IKZF2: variants seen among roughly 807,000 people sequenced by gnomAD.
IKZF2 encodes the protein zinc finger protein Helios.
IKZF2 carries 15 observed loss-of-function variants against 49.2 expected under a neutral mutation model. That is an observed-to-expected ratio of 0.30 (90% CI 0.20 to 0.47). The LOEUF (loss-of-function observed/expected upper bound fraction) is 0.47, where lower values mean the gene tolerates loss of function less well. Ranked by LOEUF, IKZF2 falls within the 20% of genes least tolerant of loss-of-function variation. IKZF2 has a pLI of 1.00. For synonymous variants in IKZF2, 227 were observed against 221.4 expected (o/e 1.03, Z -0.23); for missense variants, 567 against 664.6 (o/e 0.85, Z 1.61).
At position 213,006,879 on chromosome 2, in the gene IKZF2, C is replaced by T. The variant is rs1227744326; in HGVS notation, c.*481G>A. ...TAACAATGTGTTTGTGTTCCATGATCTCTGAAGAACAAAAAATTGGTTTAC... is the reference window on the plus strand; with the variant it reads ...TAACAATGTGTTTGTGTTCCATGATTTCTGAAGAACAAAAAATTGGTTTAC... On this transcript the variant is annotated 3_prime_UTR_variant, in exon 9 of 9. Transcript: ENST00000434687. 1 of 156,380 alleles carries T rather than the reference C, an allele frequency of 6.4e-6. No individual in the cohort carries two copies. The highest frequency in any genetic ancestry group is 2.4e-5 in the African/African-American group (1 of 41,426). 9.7% of individuals were successfully genotyped at this position (156,380 alleles called of 1,614,324 possible).
At chr2:213,066,248 C>T (rs1412368113) in intron 4 of IKZF2, among the ~76,000 whole-genome samples, 1 of 152,044 alleles carries the variant, frequency 6.6e-6, no homozygotes, top group Non-Finnish European at 1.5e-5. Flanking sequence ...TAAACAAGGT[C>T]AGAAGGCAAG....
chr2:213,076,240 GA>G (rs555339756), intron 4 of IKZF2, among the ~76,000 whole-genome samples: 1 of 147,512 alleles, frequency 6.8e-6, no homozygotes, highest in Admixed American at 6.7e-5. Flanking sequence ...TTTTCCACTA[GA>G]AAAAAAAATA....
At chr2:213,013,756 C>A in intron 8 of IKZF2, 35 bp downstream of exon 8, 1 of 1,583,086 alleles carries the variant, frequency 6.3e-7, no homozygotes. Context: ...ATTAACATCA[C>A]CTTGCAAAGA....
intron 6 of IKZF2, among the ~76,000 whole-genome samples, chr2:213,038,793 A>G (rs13023118): frequency 0.1 from 15,187 of 152,194 alleles, 904 homozygotes; most frequent in South Asian, 0.28. Flanking sequence ...AGCTTATGAA[A>G]TCACTGATCA....
At position 213,056,953 on chromosome 2, in the gene IKZF2, C is replaced by A. The variant is rs1701214637; in HGVS notation, c.286G>T (p.Val96Phe). 3.7e-6 allele frequency: 6 copies of A among 1,613,858 alleles called. No homozygotes were observed. The Middle Eastern group carries it at 4.9e-4, about 133-fold the overall frequency. The change falls in exon 5 of 9, where the codon GTC (valine) becomes TTC (phenylalanine). Residue 96 changes from valine to phenylalanine, a missense_variant. By Grantham distance (50) the Val-to-Phe change is conservative. Transcript: ENST00000434687. ...CCTCCCTCGCCTTGAAGCTCCTGGA[C>A]TTTCCTGTTGTCAGCCACCTCGCTG... is the stretch of plus-strand genomic sequence containing the variant. The part of the protein sequence containing the change: ...ESSEVADNRK[V>F]QELQGEGGIR...
intron 4 of IKZF2, among the ~76,000 whole-genome samples, chr2:213,082,671 G>A (rs1394067167): frequency 2.6e-5 from 4 of 152,206 alleles, no homozygotes; most frequent in East Asian, 3.9e-4. Flanking sequence ...TTAGATCATC[G>A]GAACTTGCCT....
chr2:213,145,114 A>G lies in IKZF2; in HGVS notation c.139+2594T>C, dbSNP rs138657451. Among the ~76,000 whole-genome samples the G allele has an allele frequency of 1.0e-2, 1,513 of 151,746 alleles. 23 individuals carry two copies. The highest frequency in any genetic ancestry group is 0.035 in the African/African-American group (1,444 of 41,440). On this transcript the variant is annotated intron_variant, in intron 4 of 8. Coordinates refer to ENST00000434687, the MANE Select transcript of IKZF2 (RefSeq NM_001387220.1). The stretch of plus-strand genomic sequence containing the variant: ...TACTGACCACCTTCCTAAAGCCAAA[A>G]TAAGTGAGCTCTCATGCCTTATTGA...
intron 4 of IKZF2, among the ~76,000 whole-genome samples, chr2:213,142,579 C>T (rs2060913293): frequency 6.6e-6 from 1 of 151,908 alleles, no homozygotes; most frequent in African/African-American, 2.4e-5. Context: ...CACAACAGCC[C>T]ATTGAGGTAG....
chr2:213,063,424 G>A (rs534056878), intron 4 of IKZF2, among the ~76,000 whole-genome samples: 1 of 151,894 alleles, frequency 6.6e-6, no homozygotes, highest in South Asian at 2.1e-4. Context: ...TGGGACCTTG[G>A]GAAATTTGTT....
intron 1 of IKZF2, among the ~76,000 whole-genome samples, chr2:213,150,849 C>T (rs1213658922): frequency 6.6e-6 from 1 of 151,234 alleles, no homozygotes. Context: ...CATACTAGAA[C>T]CTGTCAAAGT....
intron 7 of IKZF2, among the ~76,000 whole-genome samples, chr2:213,018,623 C>A (rs371419850): frequency 6.6e-6 from 1 of 152,070 alleles, no homozygotes. Context: ...ACCCTAGTGG[C>A]CCCCCATCAG....
intron 7 of IKZF2, among the ~76,000 whole-genome samples, chr2:213,017,439 CCTAATTACCATATCACTGAATGACACTA>C (rs1696734725): frequency 6.6e-6 from 1 of 152,104 alleles, no homozygotes; most frequent in African/African-American, 2.4e-5. Context: ...CTTCTATTTT[CCTAATTACCATATCACTGAATGACACTA>C]CTAATTACCA....
Position 213,040,447 on chromosome 2 carries a change from T to C in IKZF2, c.574+9266A>G, listed in dbSNP as rs1292928088. ...TAAAAAGAAATGTTTAACACACATATATGTTTCTCATATATTAAAATTATA... is the reference window on the plus strand; with the variant it reads ...TAAAAAGAAATGTTTAACACACATACATGTTTCTCATATATTAAAATTATA... On this transcript the variant is annotated intron_variant, in intron 6 of 8. Coordinates refer to ENST00000434687, the MANE Select transcript of IKZF2 (RefSeq NM_001387220.1). Among the ~76,000 whole-genome samples, 6 of 152,106 alleles carry C rather than the reference T, an allele frequency of 3.9e-5. No individual in the cohort carries two copies. In the South Asian group the frequency reaches 1.0e-3, roughly 26 times the overall value.
intron 4 of IKZF2, among the ~76,000 whole-genome samples, chr2:213,064,097 T>C (rs1462211512): frequency 6.6e-6 from 1 of 152,008 alleles, no homozygotes; most frequent in Admixed American, 6.6e-5. Context: ...CTGAAGAATC[T>C]GTCAATATTC....
intron 6 of IKZF2, among the ~76,000 whole-genome samples, chr2:213,035,947 T>C (rs892088719): frequency 2.0e-5 from 3 of 152,214 alleles, no homozygotes; most frequent in African/African-American, 7.2e-5. Context: ...ATATCTCAGC[T>C]TTCATGAGTA....
chr2:213,065,579 C>T (rs1702088720), intron 4 of IKZF2, among the ~76,000 whole-genome samples: 1 of 151,860 alleles, frequency 6.6e-6, no homozygotes. Flanking sequence ...ATTAAAGAAC[C>T]ATTAATGACA....
intron 4 of IKZF2, among the ~76,000 whole-genome samples, chr2:213,067,640 A>G (rs898535372): frequency 6.6e-6 from 1 of 152,156 alleles, no homozygotes; most frequent in African/African-American, 2.4e-5. Context: ...AGAACTCTTA[A>G]GAAATCATTC....
intron 5 of IKZF2, chr2:213,056,463 G>A (rs995829819): frequency 3.0e-6 from 1 of 335,530 alleles, no homozygotes; most frequent in Admixed American, 4.4e-5. Flanking sequence ...CCATTTTGTA[G>A]TATAAACTCT....
At chr2:213,056,714 TCTGAAAAGGTAGTTTTCACCA>T (rs1346456048) in intron 5 of IKZF2, 98 bp downstream of exon 5, 1 of 1,203,590 alleles carries the variant, frequency 8.3e-7, no homozygotes, top group Non-Finnish European at 1.2e-6. Context: ...CTAGCAGAAT[TCTGAAAAGGTAGTTTTCACCA>T]CTGCCACCCC....
Sources: allele counts gnomAD v4.1 joint callset (sites outside exome capture counted in the v4.1 genomes callset), GRCh38; gene constraint gnomAD v4.1.1; transcripts MANE v1.5; gene names NCBI Gene and HGNC (gene_info 2026-07-23, HGNC 2026-07-21).